Variants in STEAP3 observed in about 807,000 individuals in gnomAD.
STEAP3 encodes metalloreductase STEAP3.
Under a neutral mutation model 34.9 loss-of-function variants are expected in STEAP3, and 35 were observed. The observed-to-expected ratio is 1.00, with a 90% CI of 0.76 to 1.33. The LOEUF is 1.33. STEAP3 is among the 40% of genes most tolerant of loss of function. STEAP3 has a pLI of 0.00. For synonymous variants in STEAP3, 281 were observed against 301.6 expected (o/e 0.93, Z 0.71); for missense variants, 652 against 667.6 (o/e 0.98, Z 0.26).
At chr2:119,259,504 G>A (rs947184523) in intron 5 of STEAP3, among the ~76,000 whole-genome samples, 4 of 152,232 alleles carry the variant, frequency 2.6e-5, no homozygotes, top group African/African-American at 4.8e-5. Flanking sequence ...GCCTGAGGCT[G>A]GAACTTCCTG....
rs754335005 is a variant in STEAP3 at position 119,248,247 on chromosome 2, C to T, written c.1050+41C>T. ...CCTTCCTCCCTCTGGCAACTCAGCACATGCTTGTCCAGCACCTCCCCCCCC... is the reference window on the plus strand; with the variant it reads ...CCTTCCTCCCTCTGGCAACTCAGCATATGCTTGTCCAGCACCTCCCCCCCC... On this transcript the variant is annotated intron_variant, in intron 4 of 5. Coordinates refer to ENST00000393110, the MANE Select transcript of STEAP3 (RefSeq NM_182915.3). 13 of 1,519,220 alleles carry T rather than the reference C, an allele frequency of 8.6e-6. No homozygotes were observed. The African/African-American group carries it at 1.5e-4, about 18-fold the overall frequency. 94.1% of individuals were successfully genotyped at this position (1,519,220 alleles called of 1,614,324 possible). A position where few individuals can be genotyped will look rare whatever the true frequency, so the allele number is the denominator to read the frequency against.
chr2:119,239,741 G>A (rs1215555187), intron 2 of STEAP3, among the ~76,000 whole-genome samples: 1 of 152,156 alleles, frequency 6.6e-6, no homozygotes, highest in Non-Finnish European at 1.5e-5. Flanking sequence ...ACCCTTGTCA[G>A]GAGACCTTAA....
intron 4 of STEAP3, chr2:119,249,062 GT>G (rs60995174): frequency 0.47 from 70,939 of 152,178 alleles, 17,012 homozygotes; most frequent in East Asian, 0.68. Flanking sequence ...TGACTCTGGG[GT>G]TTGGGTCTGA....
chr2:119,248,265 C>A (rs1330411140), intron 4 of STEAP3, 59 bp downstream of exon 4: 5 of 400,162 alleles, frequency 1.2e-5, no homozygotes, highest in Non-Finnish European at 1.9e-5. Flanking sequence ...TCCAGCACCT[C>A]CCCCCCCCAC....
intron 2 of STEAP3, among the ~76,000 whole-genome samples, chr2:119,243,042 G>A (rs981092993): frequency 2.0e-5 from 3 of 152,236 alleles, no homozygotes; most frequent in African/African-American, 4.8e-5. Context: ...TGGCGTGAGT[G>A]TCTTGGCGGG....
rs1553441601 is a variant in STEAP3 at position 119,263,364 on chromosome 2, C to CG, written c.*29dup. 11 of 1,604,264 alleles carry CG rather than the reference C, an allele frequency of 6.9e-6. No homozygotes were observed. The South Asian group carries it at 1.2e-4, about 18-fold the overall frequency. ...GGTGCCTGCCCTGGGCTCTGGACCC[C>CG]GGGCACACGAGGGACGGTGCCCTGA... is the stretch of plus-strand genomic sequence containing the variant. On this transcript the variant is annotated 3_prime_UTR_variant, in exon 6 of 6. Transcript: ENST00000393110.
At chr2:119,251,393 T>C (rs1677622268) in intron 4 of STEAP3, among the ~76,000 whole-genome samples, 1 of 152,200 alleles carries the variant, frequency 6.6e-6, no homozygotes, top group South Asian at 2.1e-4. Flanking sequence ...AGACCATGTT[T>C]ACAGACAGTA....
chr2:119,251,273 C>G (rs1270852791), intron 4 of STEAP3, among the ~76,000 whole-genome samples: 1 of 152,150 alleles, frequency 6.6e-6, no homozygotes, highest in African/African-American at 2.4e-5. Context: ...GCCCTTGGGT[C>G]AAGGGAGCAC....
intron 3 of STEAP3, chr2:119,246,240 C>T: frequency 1.9e-6 from 1 of 518,334 alleles, no homozygotes; most frequent in South Asian, 2.5e-5. Context: ...GCTATGGTAA[C>T]AGGGTTTCCT....
At chr2:119,261,771 G>C (rs1032747950) in intron 5 of STEAP3, among the ~76,000 whole-genome samples, 4 of 152,200 alleles carry the variant, frequency 2.6e-5, no homozygotes, top group Non-Finnish European at 4.4e-5. Context: ...TGGAGTCATA[G>C]AGCAGCACTT....
rs542450548 is a variant in STEAP3 at position 119,265,557 on chromosome 2, T to C, written c.*2219T>C. 6.6e-5 allele frequency: 10 copies of C among 152,036 alleles called. No individual in the cohort carries two copies. The highest frequency in any genetic ancestry group is 2.4e-4 in the African/African-American group (10 of 41,484). 9.4% of individuals were successfully genotyped at this position (152,036 alleles called of 1,614,324 possible). A position where few individuals can be genotyped will look rare whatever the true frequency, so the allele number is the denominator to read the frequency against. Reference sequence around the variant, plus strand: ...CAAATGCCACAGTCTGAGGTTGATATCTAAAATCTATGCCTTCAAAAGAGT... The same window carrying C: ...CAAATGCCACAGTCTGAGGTTGATACCTAAAATCTATGCCTTCAAAAGAGT... On this transcript the variant is annotated 3_prime_UTR_variant, in exon 6 of 6. Transcript: ENST00000393110.
rs1016906100 is a variant in STEAP3, at chr2:119,253,468, G to GT, written c.1051-1205dup. Reference sequence around the variant, plus strand: ...TATTTTATGTGGTAACTGAGCTCGTGTTTTTTTTTTTCTGCTGAAATTGTT... The same window carrying GT: ...TATTTTATGTGGTAACTGAGCTCGTGTTTTTTTTTTTTCTGCTGAAATTGTT... On this transcript the variant is annotated intron_variant, in intron 4 of 5. Coordinates refer to ENST00000393110, the MANE Select transcript of STEAP3 (RefSeq NM_182915.3). 2.2e-3 allele frequency among the ~76,000 whole-genome samples: 315 copies of GT among 145,448 alleles called. 1 individual carries two copies. The highest frequency in any genetic ancestry group is 3.6e-3 in the Middle Eastern group (1 of 274).
chr2:119,224,778 T>A (rs1471113823), intron 1 of STEAP3, among the ~76,000 whole-genome samples: 3 of 152,146 alleles, frequency 2.0e-5, no homozygotes, highest in Non-Finnish European at 4.4e-5. Context: ...AGCCATAATA[T>A]AATTAACAGC....
At chr2:119,235,352 C>T (rs1234179952) in intron 2 of STEAP3, among the ~76,000 whole-genome samples, 2 of 152,268 alleles carry the variant, frequency 1.3e-5, no homozygotes, top group East Asian at 1.9e-4. Flanking sequence ...TCGAAGCCCC[C>T]GTGAGCAGGG....
At chr2:119,257,515 A>T in intron 5 of STEAP3, 8 of 1,543,120 alleles carry the variant, frequency 5.2e-6, no homozygotes, top group Non-Finnish European at 7.0e-6. Flanking sequence ...CCTGAATCTC[A>T]GTCCCAAGAC....
intron 2 of STEAP3, among the ~76,000 whole-genome samples, chr2:119,239,161 A>G (rs896939694): frequency 1.7e-4 from 26 of 152,240 alleles, no homozygotes; most frequent in African/African-American, 4.8e-4. Flanking sequence ...CGTGTCCAGT[A>G]CCTCCCAGTG....
At chr2:119,258,242 C>CGAGGATGACCA (rs113564755) in intron 5 of STEAP3, among the ~76,000 whole-genome samples, 11,330 of 152,162 alleles carry the variant, frequency 0.074, 436 homozygotes, top group Middle Eastern at 0.12. Context: ...TAATGAGCAA[C>CGAGGATGACCA]GAGGTCACTC....
chr2:119,261,696 G>A (rs1677946866), intron 5 of STEAP3, among the ~76,000 whole-genome samples: 1 of 152,194 alleles, frequency 6.6e-6, no homozygotes, highest in Non-Finnish European at 1.5e-5. Context: ...AGTTGAACCA[G>A]CACCAACAGT....
At chr2:119,250,799 C>A (rs376024585) in intron 4 of STEAP3, among the ~76,000 whole-genome samples, 1 of 152,264 alleles carries the variant, frequency 6.6e-6, no homozygotes, top group South Asian at 2.1e-4. Context: ...CACAGAGGGG[C>A]GCATGCAAGG....
Sources: gnomAD v4.1 joint callset for allele counts (sites outside exome capture counted in the v4.1 genomes callset) on GRCh38, gnomAD v4.1.1 for gene constraint, MANE v1.5 for transcripts, NCBI Gene and HGNC (gene_info 2026-07-23, HGNC 2026-07-21) for gene names.